RUFY1: variants seen among roughly 807,000 people sequenced by gnomAD.
RUFY1 encodes the protein RUN and FYVE domain-containing protein 1.
In RUFY1, 54 loss-of-function variants were observed where a neutral mutation model predicts 94.6. That is an observed-to-expected ratio of 0.57 (90% CI 0.46 to 0.72). RUFY1 has a LOEUF of 0.72. Among genes scored for constraint, RUFY1 ranks in the 30% least tolerant of loss-of-function variants. The pLI is 0.00. For missense variants in RUFY1, 883 were observed against 883.9 expected (o/e 1.00, Z 0.01); for synonymous variants, 396 against 347.3 (o/e 1.14, Z -1.56).
intron 15 of RUFY1, among the ~76,000 whole-genome samples, chr5:179,604,305 C>G (rs1170287853): frequency 1.3e-5 from 2 of 152,318 alleles, no homozygotes; most frequent in African/African-American, 2.4e-5. Flanking sequence ...AAAGCCTCTT[C>G]GCAGGCCCTA....
chr5:179,570,672 C>A (rs1763162000), intron 5 of RUFY1, among the ~76,000 whole-genome samples: 1 of 152,180 alleles, frequency 6.6e-6, no homozygotes, highest in East Asian at 1.9e-4. Flanking sequence ...TTATTTTACA[C>A]TACCTAGCAA....
chr5:179,595,003 T>C, intron 12 of RUFY1, 40 bp downstream of exon 12: 2 of 1,382,648 alleles, frequency 1.4e-6, no homozygotes, highest in Non-Finnish European at 1.0e-6. Context: ...GGGAAGGCTC[T>C]GAGCATTCCC....
chr5:179,582,633 A>C (rs957699124), intron 7 of RUFY1, among the ~76,000 whole-genome samples: 2 of 152,078 alleles, frequency 1.3e-5, no homozygotes, highest in Non-Finnish European at 2.9e-5. Flanking sequence ...TGGGTGGATT[A>C]CCTGAGGTTG....
chr5:179,554,742 C>T (rs918529481), intron 1 of RUFY1, among the ~76,000 whole-genome samples: 2 of 149,362 alleles, frequency 1.3e-5, no homozygotes, highest in Non-Finnish European at 3.0e-5. Flanking sequence ...CCGAGGCGGG[C>T]GGATCATTTG....
At chr5:179,590,686 A>G (rs1054840481) in intron 9 of RUFY1, among the ~76,000 whole-genome samples, 13 of 151,824 alleles carry the variant, frequency 8.6e-5, no homozygotes, top group African/African-American at 2.9e-4. Context: ...ACGGGGTTTC[A>G]CCATGTTGGC....
chr5:179,553,845 C>G (rs1262711052), intron 1 of RUFY1, among the ~76,000 whole-genome samples: 2 of 152,132 alleles, frequency 1.3e-5, no homozygotes, highest in South Asian at 2.1e-4. Context: ...CTCAATCTAG[C>G]AAAATGGTGA....
In RUFY1 at chr5:179,609,485, T is replaced by G; in HGVS notation, c.2093T>G (p.Leu698Arg). ...CGAGTGTGCGACAGCTGCCACACCCTGCTCCTGCAGCGCTGCTCCTCCACG... is the reference window on the plus strand; with the variant it reads ...CGAGTGTGCGACAGCTGCCACACCCGGCTCCTGCAGCGCTGCTCCTCCACG... ...PVRVCDSCHT[L>R]LLQRCSSTAS is the part of the protein sequence containing the mutation. Residue 698 changes from leucine to arginine, a missense_variant, in exon 18 of 18, where the codon CTG becomes CGG. Physicochemically the swap from Leu to Arg is moderately radical, Grantham distance 102. Coordinates refer to ENST00000319449, the MANE Select transcript of RUFY1 (RefSeq NM_025158.5). 6.2e-7 allele frequency: 1 copy of G among 1,610,506 alleles called. No homozygotes were observed. Among genetic ancestry groups the G allele is most frequent in the Non-Finnish European group, 8.5e-7 (1 of 1,179,790 alleles).
At chr5:179,596,919 C>G (rs1765713187) in intron 13 of RUFY1, 1 of 500,614 alleles carries the variant, frequency 2.0e-6, no homozygotes, top group Non-Finnish European at 3.5e-6. Flanking sequence ...ACTCTCAAAC[C>G]ATGGTACCAG....
intron 1 of RUFY1, among the ~76,000 whole-genome samples, chr5:179,551,791 G>A (rs1485692672): frequency 6.6e-6 from 1 of 150,756 alleles, no homozygotes; most frequent in Non-Finnish European, 1.5e-5. Flanking sequence ...GGGACTACAG[G>A]CTTGAGCCAC....
chr5:179,591,598 TC>T (rs1765109709), intron 9 of RUFY1, 26 bp from the exon 10 acceptor site: 1 of 1,375,096 alleles, frequency 7.3e-7, no homozygotes, highest in African/African-American at 1.4e-5. Flanking sequence ...AGCAAACAAT[TC>T]CTCTTGGTGT....
intron 6 of RUFY1, among the ~76,000 whole-genome samples, chr5:179,579,572 T>A (rs1763921514): frequency 6.6e-6 from 1 of 150,594 alleles, no homozygotes. Flanking sequence ...CCTCAACTGA[T>A]CCATCTGCCT....
At chr5:179,551,213 C>G (rs1000082243) in intron 1 of RUFY1, among the ~76,000 whole-genome samples, 5 of 152,254 alleles carry the variant, frequency 3.3e-5, no homozygotes, top group Non-Finnish European at 5.9e-5. Context: ...GCTTTTCAGC[C>G]GTTCAGTGCG....
At chr5:179,570,776 C>G (rs545040819) in intron 5 of RUFY1, among the ~76,000 whole-genome samples, 8 of 151,452 alleles carry the variant, frequency 5.3e-5, no homozygotes, top group Admixed American at 5.2e-4. Flanking sequence ...AACCTCTCCT[C>G]CCTTTAAAAA....
intron 9 of RUFY1, among the ~76,000 whole-genome samples, chr5:179,591,224 G>GC (rs778411378): frequency 1.3e-5 from 2 of 150,118 alleles, no homozygotes; most frequent in Non-Finnish European, 3.0e-5. Context: ...TTGCCCTGTC[G>GC]CCCAGGCTGG....
chr5:179,583,413 T>TAC (rs569653478), intron 7 of RUFY1, among the ~76,000 whole-genome samples: 2 of 45,724 alleles, frequency 4.4e-5, no homozygotes, highest in Non-Finnish European at 1.2e-4. Flanking sequence ...CTCATATAAA[T>TAC]ATATATATAT....
chr5:179,550,810 TGCGGGAGCGCGCTGCGCGCGGCC>T lies in RUFY1; in HGVS notation c.247_269del (p.Ser83AlafsTer16). On this transcript the variant is annotated frameshift_variant, in exon 1 of 18. Transcript: ENST00000319449. LOFTEE classifies it high-confidence loss of function. ...GGCCACCGGGAACCTGTCGGCGAGC[TGCGGGAGCGCGCTGCGCGCGGCC>T]GCGGGGCTGGGCGGCGGGGACAGCG... is the stretch of plus-strand genomic sequence containing the variant. 1 of 1,294,572 alleles carries T rather than the reference TGCGGGAGCGCGCTGCGCGCGGCC, an allele frequency of 7.7e-7. No individual in the cohort carries two copies. 80.2% of individuals were successfully genotyped at this position (1,294,572 alleles called of 1,614,324 possible).
intron 1 of RUFY1, among the ~76,000 whole-genome samples, chr5:179,552,514 A>T (rs1430103900): frequency 6.6e-6 from 1 of 152,200 alleles, no homozygotes; most frequent in Non-Finnish European, 1.5e-5. Flanking sequence ...AAATAGCATT[A>T]GAGGATGATG....
intron 2 of RUFY1, among the ~76,000 whole-genome samples, chr5:179,560,463 T>G (rs1044461636): frequency 2.6e-5 from 4 of 151,984 alleles, no homozygotes; most frequent in African/African-American, 7.3e-5. Flanking sequence ...CTCACGCCTG[T>G]AATCCCAGCA....
chr5:179,608,427 C>G (rs1767338942), intron 17 of RUFY1: 2 of 985,394 alleles, frequency 2.0e-6, no homozygotes, highest in South Asian at 4.7e-5. Flanking sequence ...CAAGGCCTGG[C>G]TGTCCCCATC....
Sources: gnomAD v4.1 joint callset for allele counts (sites outside exome capture counted in the v4.1 genomes callset) on GRCh38, gnomAD v4.1.1 for gene constraint, MANE v1.5 for transcripts, NCBI Gene and HGNC (gene_info 2026-07-23, HGNC 2026-07-21) for gene names.